Variants in DCHS2 observed in about 807,000 individuals in gnomAD.
DCHS2 encodes the protein protocadherin-23.
A neutral mutation model predicts 182.4 loss-of-function variants in DCHS2; 142 were observed. That is an observed-to-expected ratio of 0.78 (90% CI 0.68 to 0.89). The LOEUF (loss-of-function observed/expected upper bound fraction) is 0.89, where lower values mean the gene tolerates loss of function less well. Ranked by LOEUF, DCHS2 falls within the 40% of genes least tolerant of loss-of-function variation. The probability of loss-of-function intolerance (pLI) is 0.00; values close to 1 mark genes in which losing one functional copy is unlikely to be tolerated. For missense variants in DCHS2, 4,319 were observed against 4,198.6 expected, an observed-to-expected ratio of 1.03 and a Z score of -0.79; for synonymous variants, 1,740 against 1,663.3, an observed-to-expected ratio of 1.05 and a Z score of -1.12.
intron 1 of DCHS2, among the ~76,000 whole-genome samples, chr4:154,447,971 C>A (rs1396934978): frequency 6.6e-6 from 1 of 152,150 alleles, no homozygotes; most frequent in African/African-American, 2.4e-5. Context: ...TCCTTGTTGA[C>A]TTCCTTTCCT....
chr4:154,400,906 C>A (rs1277353066), intron 1 of DCHS2, among the ~76,000 whole-genome samples: 1 of 152,158 alleles, frequency 6.6e-6, no homozygotes, highest in Non-Finnish European at 1.5e-5. Flanking sequence ...TCAGCCAAGC[C>A]TTTTCTCATC....
intron 1 of DCHS2, among the ~76,000 whole-genome samples, chr4:154,398,551 T>G (rs1347099474): frequency 6.6e-6 from 1 of 152,226 alleles, no homozygotes; most frequent in African/African-American, 2.4e-5. Context: ...GGATCAGCAA[T>G]GAGGTATGCC....
intron 2 of DCHS2, among the ~76,000 whole-genome samples, chr4:154,371,576 T>C (rs1025431773): frequency 6.6e-6 from 1 of 152,082 alleles, no homozygotes; most frequent in Non-Finnish European, 1.5e-5. Context: ...ATTCTCACAT[T>C]GCTATAAAAA....
intron 18 of DCHS2, 77 bp from the exon 19 acceptor site, chr4:154,239,379 G>A (rs1362123477): frequency 1.3e-6 from 2 of 1,574,910 alleles, no homozygotes; most frequent in East Asian, 2.3e-5. Context: ...CAGAACATGA[G>A]GTCATTTTAT....
chr4:154,237,241 C>G, intron 19 of DCHS2, 82 bp from the exon 20 acceptor site: 1 of 1,466,368 alleles, frequency 6.8e-7, no homozygotes, highest in South Asian at 1.4e-5. Flanking sequence ...TATCCAATGT[C>G]TACTAATATG....
chr4:154,343,628 C>T (rs1434264264), intron 3 of DCHS2: 13 of 1,500,096 alleles, frequency 8.7e-6, no homozygotes, highest in Non-Finnish European at 1.2e-5. Flanking sequence ...CTGCAGCTTC[C>T]TCATCTCTTT....
At chr4:154,323,618 T>C (rs762420949) in intron 7 of DCHS2, among the ~76,000 whole-genome samples, 14 of 152,126 alleles carry the variant, frequency 9.2e-5, no homozygotes, top group Non-Finnish European at 1.5e-4. Context: ...TATTCCAAAA[T>C]CCAAAACTTT....
chr4:154,327,414 C>T (rs893426905), intron 7 of DCHS2, among the ~76,000 whole-genome samples: 17 of 152,216 alleles, frequency 1.1e-4, no homozygotes, highest in African/African-American at 3.9e-4. Context: ...AATGGGTTGC[C>T]TATAGCATCT....
rs151280397 is a variant in DCHS2, at chr4:154,332,607, C to G, written c.3601G>C (p.Glu1201Gln). 5.6e-6 allele frequency: 9 copies of G among 1,614,066 alleles called. No homozygotes were observed. The African/African-American group carries it at 1.2e-4, about 22-fold the overall frequency. ...ACCCCTTGGGGAACAGGGCTCTCTTCGACTTTCAAAAACAACACATCATGC... is the reference window on the plus strand; with the variant it reads ...ACCCCTTGGGGAACAGGGCTCTCTTGGACTTTCAAAAACAACACATCATGC... The part of the protein sequence containing the change: ...FLHDVLFLKV[E>Q]ESPVPQGVIG... The change falls in exon 5 of 20, where the codon GAA becomes CAA. Residue 1201 changes from glutamate to glutamine, a missense_variant. Glu to Gln is a conservative substitution (Grantham distance 29). Coordinates refer to ENST00000357232, the MANE Select transcript of DCHS2 (RefSeq NM_001358235.2).
Position 154,239,856 on chromosome 4 carries a change from GA to G in DCHS2, c.7360-555del, listed in dbSNP as rs547552326. 1.6e-3 allele frequency among the ~76,000 whole-genome samples: 246 copies of G among 152,030 alleles called. 2 individuals are homozygous for G. Among genetic ancestry groups the G allele is most frequent in the African/African-American group, 5.3e-3 (221 of 41,496 alleles). On this transcript the variant is annotated intron_variant, in intron 18 of 19. Coordinates refer to ENST00000357232, the MANE Select transcript of DCHS2 (RefSeq NM_001358235.2). ...AATTTTATTCAGTTTTTTTTACTAT[GA>G]AAAAAAGTTCTTCTAAACTATTTCT...
chr4:154,490,577 G>A lies in DCHS2; in HGVS notation c.779C>T (p.Ala260Val). 28 of 1,543,926 alleles carry A rather than the reference G, an allele frequency of 1.8e-5. No homozygotes were observed. Among genetic ancestry groups the A allele is most frequent in the Non-Finnish European group, 2.4e-5 (28 of 1,146,152 alleles). The change falls in exon 1 of 20, where the codon GCG becomes GTG. Residue 260 changes from alanine to valine, a missense_variant. Ala to Val is a moderately conservative substitution (Grantham distance 64, BLOSUM62 0). Coordinates refer to ENST00000357232, the MANE Select transcript of DCHS2 (RefSeq NM_001358235.2). Reference sequence around the variant, plus strand: ...TGCCTCGATCTGCAGCCGGTGCGCCGCCGCCTCCTCTCGGTCCAAGCGCCG... The same window carrying A: ...TGCCTCGATCTGCAGCCGGTGCGCCACCGCCTCCTCTCGGTCCAAGCGCCG... ...LLRRLDREEA[A>V]AHRLQIEAWD...
intron 10 of DCHS2, among the ~76,000 whole-genome samples, chr4:154,309,708 C>A (rs1735596225): frequency 6.6e-6 from 1 of 152,298 alleles, no homozygotes; most frequent in South Asian, 2.1e-4. Context: ...GCTTTGAATG[C>A]AGCTATGAGT....
At chr4:154,410,470 C>CAA (rs61280673) in intron 1 of DCHS2, among the ~76,000 whole-genome samples, 17,799 of 69,846 alleles carry the variant, frequency 0.25, 1,843 homozygotes, top group East Asian at 0.32. Flanking sequence ...ACCCAGAGGG[C>CAA]AAAAAAAAAA....
chr4:154,321,153 A>G lies in DCHS2; in HGVS notation c.4246T>C (p.Leu1416=), dbSNP rs201671896. ...AAGCTCATTATTTTTGTGGGCTTCA[A>G]ATTTTCTGGTATAATTAAATGTCTA... ...NIRHLIIPEN[L]KPTKIMSLIK... The change falls in exon 9 of 20, where the codon TTG becomes CTG. Residue 1416 remains leucine (L), a synonymous_variant. Coordinates refer to ENST00000357232, the MANE Select transcript of DCHS2 (RefSeq NM_001358235.2). 1.3e-6 allele frequency: 2 copies of G among 1,591,786 alleles called. No individual in the cohort carries two copies. Among genetic ancestry groups the G allele is most frequent in the East Asian group, 4.5e-5 (2 of 44,432 alleles).
intron 5 of DCHS2, among the ~76,000 whole-genome samples, chr4:154,330,368 A>C (rs1736472657): frequency 6.6e-6 from 1 of 152,192 alleles, no homozygotes; most frequent in Non-Finnish European, 1.5e-5. Context: ...ACTTCCTATA[A>C]AAACTCTTAA....
At chr4:154,441,979 T>C (rs1734037101) in intron 1 of DCHS2, among the ~76,000 whole-genome samples, 2 of 152,134 alleles carry the variant, frequency 1.3e-5, no homozygotes, top group South Asian at 4.1e-4. Context: ...ATTGGGTAAG[T>C]CAATGGGTAA....
At chr4:154,356,119 CAAG>C (rs1729851030) in intron 3 of DCHS2, among the ~76,000 whole-genome samples, 1 of 151,998 alleles carries the variant, frequency 6.6e-6, no homozygotes, top group African/African-American at 2.4e-5. Context: ...TTCCAGCGGA[CAAG>C]ATGTGGAGGT....
At chr4:154,343,391 T>C (rs1305637025) in intron 3 of DCHS2, 1 of 1,267,078 alleles carries the variant, frequency 7.9e-7, no homozygotes, top group African/African-American at 1.5e-5. Context: ...TCTCTAGCTA[T>C]GAAAGTCCTA....
At chr4:154,318,743 A>T (rs935297816) in intron 9 of DCHS2, among the ~76,000 whole-genome samples, 3 of 152,186 alleles carry the variant, frequency 2.0e-5, no homozygotes, top group African/African-American at 7.2e-5. Context: ...ATAGAGTGAA[A>T]GGTCTAATAT....
Sources: allele counts gnomAD v4.1 joint callset (sites outside exome capture counted in the v4.1 genomes callset), GRCh38; gene constraint gnomAD v4.1.1; transcripts MANE v1.5; gene names NCBI Gene and HGNC (gene_info 2026-07-23, HGNC 2026-07-21).